The following SRPK2 variants were observed in gnomAD, a reference collection of about 807,000 sequenced individuals.
SRPK2 encodes the protein SFRS protein kinase 2.
SRPK2 carries 21 observed loss-of-function variants against 90.8 expected under a neutral mutation model. The observed-to-expected ratio is 0.23, with a 90% CI of 0.16 to 0.33. The LOEUF is 0.33. Among genes scored for constraint, SRPK2 ranks in the 10% least tolerant of loss-of-function variants. The pLI, the probability that SRPK2 is intolerant of heterozygous loss-of-function variation, is 1.00. For synonymous variants in SRPK2, 288 were observed against 311.1 expected, an observed-to-expected ratio of 0.93 and a Z score of 0.78; for missense variants, 620 against 869.0, an observed-to-expected ratio of 0.71 and a Z score of 3.60.
At chr7:105,289,037 A>G (rs1010573375) in intron 2 of SRPK2, among the ~76,000 whole-genome samples, 1 of 151,040 alleles carries the variant, frequency 6.6e-6, no homozygotes, top group Non-Finnish European at 1.5e-5. Context: ...CAGGCAGATC[A>G]CAAGGTCAGG....
chr7:105,300,301 C>G (rs1399554953), intron 2 of SRPK2, among the ~76,000 whole-genome samples: 1 of 144,980 alleles, frequency 6.9e-6, no homozygotes. Flanking sequence ...ATATTTAGAA[C>G]ACTATGTGCA....
At chr7:105,331,675 T>G (rs1585744729) in intron 2 of SRPK2, among the ~76,000 whole-genome samples, 1 of 152,098 alleles carries the variant, frequency 6.6e-6, no homozygotes, top group Admixed American at 6.6e-5. Context: ...ATATGAGCCC[T>G]CACCTCACAG....
chr7:105,233,975 G>C (rs1354149566), intron 2 of SRPK2, among the ~76,000 whole-genome samples: 1 of 152,028 alleles, frequency 6.6e-6, no homozygotes, highest in East Asian at 1.9e-4. Flanking sequence ...ACAGATCCAA[G>C]AGTGATAAAT....
chr7:105,271,940 C>T (rs1805886910), intron 2 of SRPK2, among the ~76,000 whole-genome samples: 2 of 152,174 alleles, frequency 1.3e-5, no homozygotes, highest in Admixed American at 1.3e-4. Context: ...GAAACACCTT[C>T]CTCACACCAA....
chr7:105,269,861 G>A (rs1298282076), intron 2 of SRPK2, among the ~76,000 whole-genome samples: 4 of 152,056 alleles, frequency 2.6e-5, no homozygotes, highest in Non-Finnish European at 4.4e-5. Context: ...ATTTCCAACT[G>A]GATTTTTAAA....
intron 2 of SRPK2, among the ~76,000 whole-genome samples, chr7:105,280,565 C>A (rs928327729): frequency 6.7e-6 from 1 of 150,284 alleles, no homozygotes; most frequent in Non-Finnish European, 1.5e-5. Flanking sequence ...CCACTCAAAT[C>A]ATCTCAAAAA....
intron 3 of SRPK2, among the ~76,000 whole-genome samples, chr7:105,186,384 T>C (rs1032200831): frequency 3.9e-5 from 6 of 152,210 alleles, no homozygotes; most frequent in Non-Finnish European, 8.8e-5. Flanking sequence ...GTCTATTGTT[T>C]CCATCTTTAA....
At chr7:105,373,458 A>C (rs1250870678) in intron 2 of SRPK2, among the ~76,000 whole-genome samples, 1 of 141,968 alleles carries the variant, frequency 7.0e-6, no homozygotes, top group Non-Finnish European at 1.5e-5. Context: ...GATGGAGTGC[A>C]GCGGCATGAT....
chr7:105,365,666 G>GC (rs1161064465), intron 2 of SRPK2, among the ~76,000 whole-genome samples: 1 of 151,494 alleles, frequency 6.6e-6, no homozygotes, highest in Admixed American at 6.6e-5. Flanking sequence ...GGGCGTGGTG[G>GC]CGTGTACCTG....
At position 105,126,238 on chromosome 7, in the gene SRPK2, G is replaced by A; in HGVS notation, c.1915+10C>T. 1 of 1,604,450 alleles carries A rather than the reference G, an allele frequency of 6.2e-7. No individual in the cohort carries two copies. Among genetic ancestry groups the A allele is most frequent in the Non-Finnish European group, 8.5e-7 (1 of 1,171,548 alleles). On this transcript the variant is annotated intron_variant, in intron 15 of 15. Transcript: ENST00000393651. ...GCATCGTGGCGCTTTTCAAAAAGAA[G>A]AGGTACTACCTCTGCGATTGAAGAA...
intron 2 of SRPK2, among the ~76,000 whole-genome samples, chr7:105,368,237 T>C (rs1161880840): frequency 5.3e-5 from 8 of 152,332 alleles, no homozygotes; most frequent in Admixed American, 3.9e-4. Flanking sequence ...TTATTGCTTT[T>C]TTAGAAAAAC....
chr7:105,308,343 G>C (rs1471766300), intron 2 of SRPK2, among the ~76,000 whole-genome samples: 1 of 152,148 alleles, frequency 6.6e-6, no homozygotes, highest in Non-Finnish European at 1.5e-5. Flanking sequence ...GAGCACTCTA[G>C]AAAACCCATT....
intron 10 of SRPK2, 87 bp from the exon 11 acceptor site, chr7:105,142,577 A>T: frequency 6.7e-7 from 1 of 1,492,038 alleles, no homozygotes; most frequent in Non-Finnish European, 8.9e-7. Context: ...AATAAAATAC[A>T]TTTTGAATAT....
At chr7:105,302,731 T>C (rs567386514) in intron 2 of SRPK2, among the ~76,000 whole-genome samples, 39 of 152,226 alleles carry the variant, frequency 2.6e-4, no homozygotes, top group African/African-American at 9.4e-4. Context: ...GAGTGATAGG[T>C]GGAACAGGAG....
At chr7:105,343,934 T>C (rs978201210) in intron 2 of SRPK2, among the ~76,000 whole-genome samples, 116 of 152,232 alleles carry the variant, frequency 7.6e-4, no homozygotes, top group African/African-American at 2.7e-3. Context: ...GGCTAATTTT[T>C]GTATTATTAA....
At chr7:105,397,341 T>G (rs1370622861) in intron 1 of SRPK2, among the ~76,000 whole-genome samples, 1 of 151,004 alleles carries the variant, frequency 6.6e-6, no homozygotes, top group Non-Finnish European at 1.5e-5. Context: ...CTTTTTTTTT[T>G]TTTTTTGAGA....
At position 105,132,184 on chromosome 7, in the gene SRPK2, G is replaced by C. The variant is rs181664246; in HGVS notation, c.1752+607C>G. Reference sequence around the variant, plus strand: ...CACTCTGGGAACAGACTCTGTCAGAGGGAGTGGGCGTTGCTGCCACTGTTT... The same window carrying C: ...CACTCTGGGAACAGACTCTGTCAGACGGAGTGGGCGTTGCTGCCACTGTTT... On this transcript the variant is annotated intron_variant, in intron 13 of 15. Transcript: ENST00000393651. 6.8e-4 allele frequency among the ~76,000 whole-genome samples: 103 copies of C among 152,384 alleles called. 2 individuals carry two copies. In the East Asian group the frequency reaches 0.017, roughly 25 times the overall value.
intron 3 of SRPK2, among the ~76,000 whole-genome samples, chr7:105,201,807 C>A (rs1795595169): frequency 6.6e-6 from 1 of 151,692 alleles, no homozygotes; most frequent in Non-Finnish European, 1.5e-5. Flanking sequence ...TTGCTCAGGC[C>A]CAGGAGGTTG....
intron 2 of SRPK2, among the ~76,000 whole-genome samples, chr7:105,258,177 G>A (rs956034369): frequency 1.2e-4 from 18 of 151,750 alleles, no homozygotes; most frequent in African/African-American, 3.1e-4. Flanking sequence ...CCAGCACTTC[G>A]GGAGGCCGAG....
Sources: allele counts gnomAD v4.1 joint callset (sites outside exome capture counted in the v4.1 genomes callset), GRCh38; gene constraint gnomAD v4.1.1; transcripts MANE v1.5; gene names NCBI Gene and HGNC (gene_info 2026-07-23, HGNC 2026-07-21).